PAK1: variants seen among roughly 807,000 people sequenced by gnomAD.
PAK1 encodes p21 (RAC1) activated kinase 1, also known as serine/threonine-protein kinase PAK 1.
PAK1 carries 29 observed loss-of-function variants against 67.4 expected under a neutral mutation model. The ratio of observed to expected loss-of-function variants is 0.43; its 90% CI spans 0.32 to 0.59. The LOEUF is 0.59. PAK1 is among the 20% of genes least tolerant of loss of function. The pLI, the probability that PAK1 is intolerant of heterozygous loss-of-function variation, is 0.07. For synonymous variants in PAK1, 223 were observed against 237.4 expected (o/e 0.94, Z 0.56); for missense variants, 337 against 670.7 (o/e 0.50, Z 5.50).
intron 1 of PAK1, among the ~76,000 whole-genome samples, chr11:77,425,067 T>C (rs1955476823): frequency 6.6e-6 from 1 of 152,238 alleles, no homozygotes. Flanking sequence ...CCAGGATACA[T>C]ACTTGTTTGC....
chr11:77,406,404 T>C (rs1044098168), intron 1 of PAK1, among the ~76,000 whole-genome samples: 42 of 152,234 alleles, frequency 2.8e-4, no homozygotes, highest in African/African-American at 9.9e-4. Flanking sequence ...ATAAGCTTTG[T>C]AAAGGAGCAA....
chr11:77,332,409 GAAGGA>G (rs1941850417), intron 14 of PAK1, among the ~76,000 whole-genome samples: 1 of 137,142 alleles, frequency 7.3e-6, no homozygotes, highest in Admixed American at 7.4e-5. Flanking sequence ...GAAAGGAAGG[GAAGGA>G]AAGGGAAAGG....
At chr11:77,516,838 CA>C in the PAK1 span, among the ~76,000 whole-genome samples, 29,262 of 94,930 alleles carry the variant, frequency 0.31, 3,358 homozygotes, top group Admixed American at 0.37. Context: ...CCCCATCTCT[CA>C]AAAAAAAAAA....
At chr11:77,357,601 A>G (rs566532348) in intron 6 of PAK1, among the ~76,000 whole-genome samples, 1 of 152,276 alleles carries the variant, frequency 6.6e-6, no homozygotes, top group South Asian at 2.1e-4. Context: ...GCTATGGTGG[A>G]AAACAACCTG....
chr11:77,412,835 G>A (rs1200000768), intron 1 of PAK1, among the ~76,000 whole-genome samples: 6 of 152,184 alleles, frequency 3.9e-5, no homozygotes, highest in Non-Finnish European at 7.3e-5. Flanking sequence ...ACGTCAAAAC[G>A]GAGGTCCAGG....
intron 13 of PAK1, among the ~76,000 whole-genome samples, chr11:77,334,133 C>T (rs1244735587): frequency 2.0e-5 from 3 of 150,974 alleles, no homozygotes; most frequent in African/African-American, 4.9e-5. Flanking sequence ...CACACCATTG[C>T]ACTCCAGCCT....
chr11:77,471,816 A>G (rs1161918498), intron 1 of PAK1, among the ~76,000 whole-genome samples: 4 of 152,208 alleles, frequency 2.6e-5, no homozygotes, highest in African/African-American at 9.6e-5. Context: ...CAAACCTAGC[A>G]CAGGGACTCA....
chr11:77,324,910 G>A (rs1280437001), intron 14 of PAK1, among the ~76,000 whole-genome samples: 4 of 151,998 alleles, frequency 2.6e-5, no homozygotes, highest in African/African-American at 7.3e-5. Flanking sequence ...GAACAAGAAC[G>A]TACTATTACT....
At chr11:77,452,491 C>A (rs1956902618) in intron 1 of PAK1, among the ~76,000 whole-genome samples, 3 of 152,152 alleles carry the variant, frequency 2.0e-5, no homozygotes. Flanking sequence ...CTCTTGGCTT[C>A]AGTTTCTCAT....
At chr11:77,382,004 G>A in intron 2 of PAK1, among the ~76,000 whole-genome samples, 1 of 152,192 alleles carries the variant, frequency 6.6e-6, no homozygotes, top group East Asian at 1.9e-4. Flanking sequence ...GGAACATGTG[G>A]CAGGGCTTTG....
At chr11:77,492,198 G>C in the PAK1 span, among the ~76,000 whole-genome samples, 13 of 152,086 alleles carry the variant, frequency 8.5e-5, no homozygotes, top group Non-Finnish European at 1.6e-4. Context: ...AGCCGGGCAC[G>C]GTGGCAGGTG....
intron 6 of PAK1, among the ~76,000 whole-genome samples, chr11:77,358,462 C>T (rs997484989): frequency 2.0e-5 from 3 of 152,110 alleles, no homozygotes; most frequent in African/African-American, 7.2e-5. Flanking sequence ...TATATATTCT[C>T]TTGGGTCTTT....
chr11:77,405,670 G>GACACACACACACAC (rs370157407), intron 1 of PAK1, among the ~76,000 whole-genome samples: 1 of 125,662 alleles, frequency 8.0e-6, no homozygotes, highest in African/African-American at 3.2e-5. Flanking sequence ...CAGACAGACA[G>GACACACACACACAC]ACAGACACAC....
chr11:77,516,280 G>A, the PAK1 span, among the ~76,000 whole-genome samples: 2 of 152,154 alleles, frequency 1.3e-5, no homozygotes, highest in East Asian at 3.8e-4. Flanking sequence ...AACCTTAGGT[G>A]TAATGAAGCT....
chr11:77,459,637 T>G (rs1399859731), intron 1 of PAK1, among the ~76,000 whole-genome samples: 1 of 151,058 alleles, frequency 6.6e-6, no homozygotes, highest in East Asian at 1.9e-4. Flanking sequence ...ATAAATGCCA[T>G]CGCAGAAAAT....
chr11:77,339,921 T>A (rs770453995), intron 11 of PAK1, among the ~76,000 whole-genome samples: 10 of 152,040 alleles, frequency 6.6e-5, no homozygotes, highest in Non-Finnish European at 1.0e-4. Context: ...ACACCCAATA[T>A]CCTCAATGTC....
chr11:77,378,230 A>G (rs1005994172), intron 4 of PAK1, among the ~76,000 whole-genome samples: 1 of 152,206 alleles, frequency 6.6e-6, no homozygotes, highest in African/African-American at 2.4e-5. Flanking sequence ...AAAACAATGG[A>G]AAGCTGGTCC....
chr11:77,528,628 A>G, the PAK1 span, among the ~76,000 whole-genome samples: 1 of 152,208 alleles, frequency 6.6e-6, no homozygotes, highest in African/African-American at 2.4e-5. Flanking sequence ...TACAGGCATC[A>G]GCCACCACAC....
At chr11:77,324,721 C>G (rs953895290) in intron 14 of PAK1, among the ~76,000 whole-genome samples, 1 of 151,182 alleles carries the variant, frequency 6.6e-6, no homozygotes, top group Non-Finnish European at 1.5e-5. Context: ...ACTTACAATT[C>G]CCTTGATTAG....
Sources: allele counts gnomAD v4.1 joint callset (sites outside exome capture counted in the v4.1 genomes callset), GRCh38; gene constraint gnomAD v4.1.1; transcripts MANE v1.5; gene names NCBI Gene and HGNC (gene_info 2026-07-23, HGNC 2026-07-21).